The following ADAMTS9 variants were observed in gnomAD, a reference collection of about 807,000 sequenced individuals.
ADAMTS9 encodes ADAM metallopeptidase with thrombospondin type 1 motif 9.
A neutral mutation model predicts 257.1 loss-of-function variants in ADAMTS9; 107 were observed. The observed-to-expected ratio is 0.42, with a 90% CI of 0.36 to 0.49. The LOEUF (loss-of-function observed/expected upper bound fraction) is 0.49. ADAMTS9 is among the 20% of genes least tolerant of loss of function. The probability of loss-of-function intolerance (pLI) is 0.03; values close to 1 mark genes in which losing one functional copy is unlikely to be tolerated. For missense variants in ADAMTS9, 2,353 were observed against 2,469.1 expected (o/e 0.95, Z 1.00); for synonymous variants, 982 against 880.9 (o/e 1.11, Z -2.03).
chr3:64,599,612 T>C (rs1408723528), intron 26 of ADAMTS9, among the ~76,000 whole-genome samples: 1 of 152,184 alleles, frequency 6.6e-6, no homozygotes. Context: ...GGTGGGCAAC[T>C]GGACTTTCCT....
chr3:64,520,107 A>C (rs1012678438), intron 39 of ADAMTS9, among the ~76,000 whole-genome samples: 1 of 152,192 alleles, frequency 6.6e-6, no homozygotes, highest in African/African-American at 2.4e-5. Context: ...TTCAGGGTGC[A>C]AAATAAATGT....
At chr3:64,550,513 C>G (rs1038964432) in intron 31 of ADAMTS9, 1 of 186,992 alleles carries the variant, frequency 5.3e-6, no homozygotes, top group African/African-American at 2.3e-5. Flanking sequence ...TAGTTTGTCA[C>G]AGTTGCCATC....
chr3:64,540,990 CAAT>C lies in ADAMTS9; in HGVS notation c.5521+102_5521+104del. The C allele has an allele frequency of 3.5e-6, 5 of 1,436,834 alleles. 1 individual carries two copies. Among genetic ancestry groups the C allele is most frequent in the Non-Finnish European group, 4.8e-6 (5 of 1,046,746 alleles). The allele number at this position is 1,436,834 out of a possible 1,614,324, so 89.0% of individuals were successfully genotyped here. A position where few individuals can be genotyped will look rare whatever the true frequency, so the allele number is the denominator to read the frequency against. ...TCCATACTAGCCAATGTGCAATGTGCAATGTGCAATACGCACCTCCCTGCTAGC... is the reference window on the plus strand; with the variant it reads ...TCCATACTAGCCAATGTGCAATGTGCGTGCAATACGCACCTCCCTGCTAGC... On this transcript the variant is annotated intron_variant, in intron 36 of 39. Coordinates refer to ENST00000498707, the MANE Select transcript of ADAMTS9 (RefSeq NM_182920.2).
At chr3:64,631,688 T>G (rs1020377083) in intron 15 of ADAMTS9, 120 bp downstream of exon 15, 1 of 1,186,972 alleles carries the variant, frequency 8.4e-7, no homozygotes, top group Non-Finnish European at 1.2e-6. Context: ...CGATGGATAA[T>G]CCACCATAAC....
intron 39 of ADAMTS9, 47 bp from the exon 40 acceptor site, chr3:64,517,168 G>A (rs779655220): frequency 6.6e-6 from 1 of 152,478 alleles, no homozygotes; most frequent in East Asian, 1.9e-4. Context: ...CTCAAATGCT[G>A]CAAGTTAAGA....
intron 31 of ADAMTS9, 79 bp downstream of exon 31, chr3:64,550,813 C>G: frequency 6.4e-7 from 1 of 1,563,484 alleles, no homozygotes; most frequent in South Asian, 1.2e-5. Flanking sequence ...CACATTCCTG[C>G]ACTCATCCCT....
chr3:64,661,121 G>A (rs72890896), intron 3 of ADAMTS9, among the ~76,000 whole-genome samples: 5,599 of 152,234 alleles, frequency 0.037, 341 homozygotes, highest in African/African-American at 0.13. Context: ...GACTACTATA[G>A]TAAAATCTGA....
At chr3:64,549,691 C>T (rs894621744) in intron 31 of ADAMTS9, among the ~76,000 whole-genome samples, 4 of 152,132 alleles carry the variant, frequency 2.6e-5, no homozygotes, top group Non-Finnish European at 4.4e-5. Flanking sequence ...GGCTGCCCTG[C>T]GCACTATAGG....
Position 64,686,525 on chromosome 3 carries a change from C to CGAGGAGGCGGAAGGGGA in ADAMTS9, c.516+26_516+42dup, listed in dbSNP as rs767899089. ...GACAATTAAGTCTTCTAGAAGCGGG[C>CGAGGAGGCGGAAGGGGA]GAGGAGGCGGAAGGGGAGAGGAGGT... On this transcript the variant is annotated intron_variant, in intron 2 of 39. Transcript: ENST00000498707. The surrounding 1 kb of genome is among the most constrained non-coding windows in gnomAD (Gnocchi z 4.6). 6.5e-7 allele frequency: 1 copy of CGAGGAGGCGGAAGGGGA among 1,537,890 alleles called. No homozygotes were observed. The highest frequency in any genetic ancestry group is 2.0e-5 in the Admixed American group (1 of 50,620).
At chr3:64,528,326 C>CCG (rs1559747579) in intron 38 of ADAMTS9, among the ~76,000 whole-genome samples, 9 of 152,144 alleles carry the variant, frequency 5.9e-5, no homozygotes, top group Middle Eastern at 3.2e-3. Flanking sequence ...TTTCACATTC[C>CCG]CACACGTTGG....
chr3:64,573,506 G>A (rs2083752827), intron 28 of ADAMTS9, among the ~76,000 whole-genome samples: 1 of 152,288 alleles, frequency 6.6e-6, no homozygotes, highest in East Asian at 1.9e-4. Context: ...ACTCAGATAG[G>A]TGTTTTGAGA....
intron 28 of ADAMTS9, among the ~76,000 whole-genome samples, 156 bp downstream of exon 28, chr3:64,594,102 C>A (rs181017226): frequency 6.8e-4 from 104 of 152,012 alleles, no homozygotes; most frequent in African/African-American, 1.8e-3. Context: ...AAAGTTAATT[C>A]TATTATGTGC....
At chr3:64,534,779 G>A (rs1026778889) in intron 37 of ADAMTS9, among the ~76,000 whole-genome samples, 2 of 152,062 alleles carry the variant, frequency 1.3e-5, no homozygotes, top group Admixed American at 6.6e-5. Context: ...ACAACTGTGG[G>A]GGGGCAGGGA....
At chr3:64,537,794 A>G (rs911724946) in intron 37 of ADAMTS9, among the ~76,000 whole-genome samples, 4 of 152,212 alleles carry the variant, frequency 2.6e-5, no homozygotes, top group African/African-American at 9.7e-5. Flanking sequence ...ACCTAAGAGA[A>G]AACTGGCCAA....
intron 3 of ADAMTS9, among the ~76,000 whole-genome samples, chr3:64,676,399 T>C (rs1701625419): frequency 1.3e-5 from 2 of 152,122 alleles, no homozygotes; most frequent in African/African-American, 2.4e-5. Flanking sequence ...TAGAAGAATA[T>C]AAAAGTTCAA....
chr3:64,661,639 T>A (rs976623406), intron 3 of ADAMTS9, among the ~76,000 whole-genome samples: 4 of 152,306 alleles, frequency 2.6e-5, no homozygotes, highest in South Asian at 4.1e-4. Context: ...AATGAGCTCA[T>A]GATTTGGTGA....
intron 3 of ADAMTS9, among the ~76,000 whole-genome samples, chr3:64,663,821 T>C (rs80123279): frequency 6.9e-4 from 105 of 152,272 alleles, no homozygotes; most frequent in African/African-American, 2.5e-3. Flanking sequence ...TTTTATCAAT[T>C]TGACCTTTTT....
chr3:64,546,493 C>G (rs765551476), intron 32 of ADAMTS9, among the ~76,000 whole-genome samples: 10 of 152,216 alleles, frequency 6.6e-5, no homozygotes, highest in African/African-American at 9.6e-5. Flanking sequence ...GGTTATGCAA[C>G]TTGCCCAAGG....
chr3:64,546,658 G>A (rs757270607), intron 32 of ADAMTS9, 100 bp downstream of exon 32: 2 of 1,278,598 alleles, frequency 1.6e-6, no homozygotes, highest in Non-Finnish European at 2.1e-6. Flanking sequence ...GGTTTCTCCT[G>A]GAAGTAGAGT....
Sources: allele counts gnomAD v4.1 joint callset (sites outside exome capture counted in the v4.1 genomes callset), GRCh38; gene constraint gnomAD v4.1.1; non-coding constraint Gnocchi (gnomAD v3.1); transcripts MANE v1.5; gene names NCBI Gene and HGNC (gene_info 2026-07-23, HGNC 2026-07-21).